Variants in CTNNA3 observed in about 807,000 individuals in gnomAD.
The protein encoded by CTNNA3 is catenin alpha 3.
CTNNA3 carries 76 observed loss-of-function variants against 95.7 expected under a neutral mutation model. The observed-to-expected ratio is 0.79, with a 90% CI of 0.66 to 0.96. The LOEUF is 0.96. Ranked by LOEUF, CTNNA3 falls within the 40% of genes least tolerant of loss-of-function variation. CTNNA3 has a pLI of 0.00. For missense variants in CTNNA3, 1,191 were observed against 1,089.8 expected, an observed-to-expected ratio of 1.09 and a Z score of -1.31; for synonymous variants, 431 against 374.4, an observed-to-expected ratio of 1.15 and a Z score of -1.74.
At chr10:67,089,002 G>A (rs1215156032) in intron 7 of CTNNA3, among the ~76,000 whole-genome samples, 2 of 152,014 alleles carry the variant, frequency 1.3e-5, no homozygotes, top group Non-Finnish European at 2.9e-5. Flanking sequence ...AATATACATT[G>A]TATTAGGTAT....
chr10:66,072,723 C>T (rs1052567135), intron 14 of CTNNA3, among the ~76,000 whole-genome samples: 1 of 151,990 alleles, frequency 6.6e-6, no homozygotes, highest in Non-Finnish European at 1.5e-5. Context: ...CATCCAACTG[C>T]CCCTTCTCAG....
intron 5 of CTNNA3, among the ~76,000 whole-genome samples, chr10:67,238,709 T>C (rs1016987648): frequency 2.0e-5 from 3 of 150,654 alleles, no homozygotes; most frequent in African/African-American, 7.3e-5. Context: ...CTTGATAACT[T>C]GTTAATGGGC....
At chr10:66,697,843 G>A (rs1406019230) in intron 9 of CTNNA3, among the ~76,000 whole-genome samples, 1 of 152,110 alleles carries the variant, frequency 6.6e-6, no homozygotes, top group Non-Finnish European at 1.5e-5. Context: ...AACTGTGCTA[G>A]CATATTATCT....
chr10:66,476,385 G>A (rs1007766481), intron 11 of CTNNA3, among the ~76,000 whole-genome samples: 7 of 152,026 alleles, frequency 4.6e-5, no homozygotes, highest in African/African-American at 1.4e-4. Context: ...AAATTAAAAA[G>A]TGAGAGACAG....
chr10:67,377,828 T>A (rs767124760), intron 5 of CTNNA3, among the ~76,000 whole-genome samples: 8 of 152,190 alleles, frequency 5.3e-5, no homozygotes, highest in Non-Finnish European at 1.2e-4. Flanking sequence ...ATATTATTGT[T>A]AATTATAGTC....
chr10:66,222,675 T>G (rs1240551230), intron 13 of CTNNA3, among the ~76,000 whole-genome samples: 14 of 112,170 alleles, frequency 1.2e-4, no homozygotes, highest in African/African-American at 2.8e-4. Flanking sequence ...AAGGGAGGGA[T>G]GGAGGAAGGA....
chr10:66,691,189 G>A (rs1301004606), intron 9 of CTNNA3, among the ~76,000 whole-genome samples: 6 of 152,138 alleles, frequency 3.9e-5, no homozygotes, highest in Non-Finnish European at 5.9e-5. Flanking sequence ...AGGGGTCAGG[G>A]AGTTCCCTTT....
intron 8 of CTNNA3, among the ~76,000 whole-genome samples, chr10:66,768,778 T>A (rs1839966828): frequency 2.2e-5 from 1 of 44,980 alleles, no homozygotes; most frequent in South Asian, 7.1e-4. Context: ...ACTTAGAGAC[T>A]GACAGCAAAA....
chr10:66,569,927 G>A (rs1041451915), intron 10 of CTNNA3, among the ~76,000 whole-genome samples: 8 of 152,138 alleles, frequency 5.3e-5, no homozygotes, highest in African/African-American at 1.9e-4. Flanking sequence ...TTTGTTAAAT[G>A]TTTTCTTTCT....
intron 5 of CTNNA3, among the ~76,000 whole-genome samples, chr10:67,247,736 G>A (rs1865954851): frequency 6.6e-6 from 1 of 152,188 alleles, no homozygotes. Flanking sequence ...AGCAATGTTG[G>A]AAGAATTCCC....
At chr10:66,132,753 A>T (rs1359555341) in intron 13 of CTNNA3, among the ~76,000 whole-genome samples, 1 of 152,220 alleles carries the variant, frequency 6.6e-6, no homozygotes. Context: ...TTACAGAAAC[A>T]TGAATGGAGC....
intron 5 of CTNNA3, among the ~76,000 whole-genome samples, chr10:67,237,944 G>A (rs1255222114): frequency 2.0e-5 from 3 of 152,142 alleles, no homozygotes; most frequent in Admixed American, 6.6e-5. Context: ...TATAGTGGGA[G>A]AGATCCAGGA....
intron 5 of CTNNA3, among the ~76,000 whole-genome samples, chr10:67,368,259 G>C (rs1171371565): frequency 1.3e-5 from 2 of 152,196 alleles, no homozygotes; most frequent in South Asian, 4.1e-4. Flanking sequence ...CACGTGAGAT[G>C]TTTAACATCA....
At position 67,086,730 on chromosome 10, in the gene CTNNA3, A is replaced by G. The variant is rs575149761; in HGVS notation, c.1047+93587T>C. Among the ~76,000 whole-genome samples the G allele has an allele frequency of 3.9e-5, 6 of 152,128 alleles. No individual in the cohort carries two copies. The South Asian group carries it at 1.2e-3, about 32-fold the overall frequency. On this transcript the variant is annotated intron_variant, in intron 7 of 17. Coordinates refer to ENST00000433211, the MANE Select transcript of CTNNA3 (RefSeq NM_013266.4). ...TATATAGAGCCTCTCTGTGAGACCA[A>G]AATACCCTATCAGTCATAGATATGG...
At chr10:66,026,719 C>A (rs2079346991) in intron 15 of CTNNA3, among the ~76,000 whole-genome samples, 1 of 152,060 alleles carries the variant, frequency 6.6e-6, no homozygotes, top group African/African-American at 2.4e-5. Context: ...ACAAATCCCA[C>A]AAAAGTGTAT....
intron 7 of CTNNA3, among the ~76,000 whole-genome samples, chr10:67,085,637 G>A (rs1213875135): frequency 6.6e-6 from 1 of 151,912 alleles, no homozygotes; most frequent in Non-Finnish European, 1.5e-5. Context: ...ATAAAAATTT[G>A]AAATAATGAG....
At chr10:67,525,588 T>C (rs905753368) in intron 4 of CTNNA3, among the ~76,000 whole-genome samples, 1 of 152,138 alleles carries the variant, frequency 6.6e-6, no homozygotes, top group Non-Finnish European at 1.5e-5. Context: ...ATGCATCCAA[T>C]GAGTTCATGT....
At chr10:67,574,846 G>T (rs1842094071) in intron 3 of CTNNA3, among the ~76,000 whole-genome samples, 1 of 152,086 alleles carries the variant, frequency 6.6e-6, no homozygotes, top group South Asian at 2.1e-4. Context: ...CTCCCAAAGT[G>T]TTGGGATTAC....
intron 5 of CTNNA3, among the ~76,000 whole-genome samples, chr10:67,450,929 G>A (rs564311953): frequency 1.1e-4 from 17 of 151,528 alleles, no homozygotes; most frequent in Non-Finnish European, 1.2e-4. Flanking sequence ...ATGGCCTTTC[G>A]AGACTTAGAA....
Sources: gnomAD v4.1 joint callset for allele counts (sites outside exome capture counted in the v4.1 genomes callset) on GRCh38, gnomAD v4.1.1 for gene constraint, MANE v1.5 for transcripts, NCBI Gene and HGNC (gene_info 2026-07-23, HGNC 2026-07-21) for gene names.